The following LRRN1 variants were observed in gnomAD, a reference collection of about 807,000 sequenced individuals.
LRRN1 encodes leucine rich repeat neuronal 1, also known as leucine-rich repeat neuronal protein 1.
In LRRN1, 14 loss-of-function variants were observed where a neutral mutation model predicts 45.8. The observed-to-expected ratio is 0.31, with a 90% CI of 0.20 to 0.48. The LOEUF (loss-of-function observed/expected upper bound fraction) is 0.48, where lower values mean the gene tolerates loss of function less well. Among genes scored for constraint, LRRN1 ranks in the 20% least tolerant of loss-of-function variants. The probability of loss-of-function intolerance (pLI) is 0.99; values close to 1 mark genes in which losing one functional copy is unlikely to be tolerated. For synonymous variants in LRRN1, 359 were observed against 330.1 expected, an observed-to-expected ratio of 1.09 and a Z score of -0.95; for missense variants, 789 against 874.2, an observed-to-expected ratio of 0.90 and a Z score of 1.23.
intron 1 of LRRN1, among the ~76,000 whole-genome samples, chr3:3,828,811 C>T (rs1693293126): frequency 6.6e-6 from 1 of 152,134 alleles, no homozygotes; most frequent in South Asian, 2.1e-4. Context: ...TATACAGGCA[C>T]AAACGTGTTT....
At chr3:3,825,508 G>A (rs1693197563) in intron 1 of LRRN1, among the ~76,000 whole-genome samples, 1 of 152,192 alleles carries the variant, frequency 6.6e-6, no homozygotes, top group Non-Finnish European at 1.5e-5. Flanking sequence ...TAACATACAA[G>A]AAAAAGGAGA....
At chr3:3,830,632 A>G (rs964313013) in intron 1 of LRRN1, among the ~76,000 whole-genome samples, 2 of 152,216 alleles carry the variant, frequency 1.3e-5, no homozygotes, top group Non-Finnish European at 2.9e-5. Context: ...GCTGGGGGAG[A>G]GAAGGCAGGG....
At position 3,843,339 on chromosome 3, in the gene LRRN1, C is replaced by G. The variant is rs1041622841; in HGVS notation, c.-278-1025C>G. 3.3e-5 allele frequency among the ~76,000 whole-genome samples: 5 copies of G among 152,170 alleles called. No homozygotes were observed. The East Asian group carries it at 9.7e-4, about 29-fold the overall frequency. ...TGTATGTTTGTGTTTTTAATGGAGA[C>G]CAATGGTATGACAGAATGAAGTCCT... On this transcript the variant is annotated intron_variant, in intron 1 of 1. Coordinates refer to ENST00000319331, the MANE Select transcript of LRRN1 (RefSeq NM_020873.7).
chr3:3,833,555 G>A (rs1270985610), intron 1 of LRRN1, among the ~76,000 whole-genome samples: 1 of 152,114 alleles, frequency 6.6e-6, no homozygotes, highest in Non-Finnish European at 1.5e-5. Context: ...CTAGTGTAGT[G>A]CAGCTCCTCG....
At chr3:3,812,971 C>T (rs968514228) in intron 1 of LRRN1, among the ~76,000 whole-genome samples, 1 of 152,160 alleles carries the variant, frequency 6.6e-6, no homozygotes, top group Non-Finnish European at 1.5e-5. Flanking sequence ...CTGTACTACA[C>T]TTTCCTTTCA....
At chr3:3,814,279 T>C (rs951825565) in intron 1 of LRRN1, among the ~76,000 whole-genome samples, 1 of 150,322 alleles carries the variant, frequency 6.7e-6, no homozygotes, top group African/African-American at 2.5e-5. Flanking sequence ...TAAAGAGGCA[T>C]TAAATGGTCC....
At chr3:3,822,811 C>T (rs1281816078) in intron 1 of LRRN1, 1 of 152,120 alleles carries the variant, frequency 6.6e-6, no homozygotes, top group African/African-American at 2.4e-5. Flanking sequence ...TGAAGGCAGC[C>T]ACTTGATACT....
At chr3:3,806,992 C>G (rs2106450664) in intron 1 of LRRN1, among the ~76,000 whole-genome samples, 1 of 152,308 alleles carries the variant, frequency 6.6e-6, no homozygotes, top group African/African-American at 2.4e-5. Context: ...GTGTCTTCCA[C>G]TCAGATGGTA....
Position 3,844,593 on chromosome 3 carries a change from T to C in LRRN1, c.-49T>C. ...CATATCACAATATAGTGTTCACGTT[T>C]TGTTAAAACTTTGGGGTGTCAGGAG... On this transcript the variant is annotated 5_prime_UTR_variant, in exon 2 of 2. Coordinates refer to ENST00000319331, the MANE Select transcript of LRRN1 (RefSeq NM_020873.7). 2 of 1,420,428 alleles carry C rather than the reference T, an allele frequency of 1.4e-6. No homozygotes were observed. Among genetic ancestry groups the C allele is most frequent in the African/African-American group, 1.4e-5 (1 of 70,458 alleles). 88.0% of individuals were successfully genotyped at this position (1,420,428 alleles called of 1,614,324 possible).
chr3:3,846,134 C>A lies in LRRN1; in HGVS notation c.1493C>A (p.Thr498Lys). 1 of 1,614,102 alleles carries A rather than the reference C, an allele frequency of 6.2e-7. No individual in the cohort carries two copies. The change falls in exon 2 of 2, where the codon ACA becomes AAA. Residue 498 changes from threonine to lysine, a missense_variant. Transcript: ENST00000319331. This position sits in a 1 kb window ranked among gnomAD's most constrained non-coding sequence, Gnocchi z 5.7. The stretch of plus-strand genomic sequence containing the variant: ...CAAATTGAAGACTCAGGAAGATACA[C>A]ATGTGTTGCCCAGAATGTCCAAGGG... Reference protein sequence around the residue: ...NIQIEDSGRYTCVAQNVQGAD... With the variant: ...NIQIEDSGRYKCVAQNVQGAD...
At position 3,799,593 on chromosome 3, in the gene LRRN1, T is replaced by A. The variant is rs1411547352; in HGVS notation, c.-605T>A. 1.3e-5 allele frequency: 2 copies of A among 152,172 alleles called. No individual in the cohort carries two copies. Among genetic ancestry groups the A allele is most frequent in the Non-Finnish European group, 2.9e-5 (2 of 68,068 alleles). 9.4% of individuals were successfully genotyped at this position (152,172 alleles called of 1,614,324 possible). A position where few individuals can be genotyped will look rare whatever the true frequency, so the allele number is the denominator to read the frequency against. On this transcript the variant is annotated 5_prime_UTR_variant, in exon 1 of 2. Transcript: ENST00000319331. Reference sequence around the variant, plus strand: ...CGCCTGGGGCGCCTTCCTCCGGACCTGGCCGCTCGCTGCCCCGCCCTCTGC... The same window carrying A: ...CGCCTGGGGCGCCTTCCTCCGGACCAGGCCGCTCGCTGCCCCGCCCTCTGC...
intron 1 of LRRN1, among the ~76,000 whole-genome samples, chr3:3,803,716 T>C (rs1692701932): frequency 6.6e-6 from 1 of 152,184 alleles, no homozygotes; most frequent in South Asian, 2.1e-4. Flanking sequence ...TATTCTCTCT[T>C]GTTTTGGCTC....
At chr3:3,830,293 A>G (rs746466994) in intron 1 of LRRN1, among the ~76,000 whole-genome samples, 1 of 152,178 alleles carries the variant, frequency 6.6e-6, no homozygotes, top group Non-Finnish European at 1.5e-5. Context: ...CTTTGTCACC[A>G]ATTTTCCAAT....
chr3:3,800,292 C>CT (rs1384207433), intron 1 of LRRN1, among the ~76,000 whole-genome samples: 2 of 151,886 alleles, frequency 1.3e-5, no homozygotes, highest in Non-Finnish European at 2.9e-5. Context: ...GGGAGGAGGG[C>CT]TGCCGGGATG....
chr3:3,843,842 T>C (rs1253361001), intron 1 of LRRN1, among the ~76,000 whole-genome samples: 1 of 152,214 alleles, frequency 6.6e-6, no homozygotes, highest in Non-Finnish European at 1.5e-5. Context: ...ACAAATGAGG[T>C]AGTAACTAAA....
At chr3:3,809,877 G>A (rs1692840989) in intron 1 of LRRN1, among the ~76,000 whole-genome samples, 1 of 152,138 alleles carries the variant, frequency 6.6e-6, no homozygotes, top group Admixed American at 6.5e-5. Flanking sequence ...TGGTATTTGT[G>A]TTCAAATCTG....
chr3:3,823,083 C>T (rs1368938259), intron 1 of LRRN1, among the ~76,000 whole-genome samples: 1 of 152,152 alleles, frequency 6.6e-6, no homozygotes, highest in African/African-American at 2.4e-5. Context: ...CCAGGGTCTT[C>T]ACTGTGATTG....
At position 3,825,788 on chromosome 3, in the gene LRRN1, A is replaced by G. The variant is rs1461811958; in HGVS notation, c.-278-18576A>G. On this transcript the variant is annotated intron_variant, in intron 1 of 1. Coordinates refer to ENST00000319331, the MANE Select transcript of LRRN1 (RefSeq NM_020873.7). ...GTAATGCTTCTTAAAGCACTAAAGA[A>G]GTTTTCTTCTGAGCAGAGAGTCACA... Among the ~76,000 whole-genome samples, 5 of 152,324 alleles carry G rather than the reference A, an allele frequency of 3.3e-5. No homozygotes were observed. In the East Asian group the frequency reaches 9.7e-4, roughly 29 times the overall value.
chr3:3,835,865 G>GAA (rs979242978), intron 1 of LRRN1, among the ~76,000 whole-genome samples: 1 of 144,056 alleles, frequency 6.9e-6, no homozygotes, highest in Non-Finnish European at 1.5e-5. Flanking sequence ...TATCGTGTTG[G>GAA]AAAAAAAAAA....
Sources: allele counts gnomAD v4.1 joint callset (sites outside exome capture counted in the v4.1 genomes callset), GRCh38; gene constraint gnomAD v4.1.1; non-coding constraint Gnocchi (gnomAD v3.1); transcripts MANE v1.5; gene names NCBI Gene and HGNC (gene_info 2026-07-23, HGNC 2026-07-21).